The following TMPRSS15 variants were observed in gnomAD, a reference collection of about 807,000 sequenced individuals.
TMPRSS15 encodes the protein enteropeptidase.
A neutral mutation model predicts 125.3 loss-of-function variants in TMPRSS15; 128 were observed. The observed-to-expected ratio is 1.02, with a 90% CI of 0.89 to 1.18. TMPRSS15 has a LOEUF of 1.18. Ranked by LOEUF, TMPRSS15 falls within the 50% of genes most tolerant of loss-of-function variation. The pLI, the probability that TMPRSS15 is intolerant of heterozygous loss-of-function variation, is 0.00. For missense variants in TMPRSS15, 1,283 were observed against 1,212.7 expected (o/e 1.06, Z -0.86); for synonymous variants, 446 against 423.2 (o/e 1.05, Z -0.66).
At chr21:18,426,959 C>A (rs2300511) in intron 1 of TMPRSS15, among the ~76,000 whole-genome samples, 1 of 152,050 alleles carries the variant, frequency 6.6e-6, no homozygotes, top group African/African-American at 2.4e-5. Flanking sequence ...GAAGTGTTCG[C>A]CTCTGCATTT....
chr21:18,424,903 T>C (rs933284378), intron 1 of TMPRSS15, among the ~76,000 whole-genome samples: 1 of 148,854 alleles, frequency 6.7e-6, no homozygotes, highest in Non-Finnish European at 1.5e-5. Flanking sequence ...TATATATTAA[T>C]TCATATATAT....
intron 1 of TMPRSS15, among the ~76,000 whole-genome samples, chr21:18,419,129 T>C (rs561406994): frequency 2.0e-5 from 3 of 152,284 alleles, no homozygotes; most frequent in African/African-American, 7.2e-5. Context: ...GTCTTACTCA[T>C]TGTTGTCACT....
Position 18,380,488 on chromosome 21 carries a change from T to C in TMPRSS15, c.497-1170A>G, listed in dbSNP as rs868637822. The C allele has an allele frequency of 2.2e-5, 10 of 463,066 alleles. 1 individual carries two copies. In the Middle Eastern group the frequency reaches 2.3e-3, roughly 106 times the overall value. The allele number at this position is 463,066 out of a possible 1,614,324, so 28.7% of individuals were successfully genotyped here. A position where few individuals can be genotyped will look rare whatever the true frequency, so the allele number is the denominator to read the frequency against. On this transcript the variant is annotated intron_variant, in intron 4 of 24. Coordinates refer to ENST00000284885, the MANE Select transcript of TMPRSS15 (RefSeq NM_002772.3). ...AAAAAATGTATATTTTCCTAGGTGATAGAGTTTGATGATCACTAAGTTGTA... is the reference window on the plus strand; with the variant it reads ...AAAAAATGTATATTTTCCTAGGTGACAGAGTTTGATGATCACTAAGTTGTA...
At chr21:18,454,302 C>T (rs953293956) in intron 1 of TMPRSS15, among the ~76,000 whole-genome samples, 6 of 152,076 alleles carry the variant, frequency 3.9e-5, no homozygotes, top group Non-Finnish European at 8.8e-5. Context: ...TGTTTCCTTC[C>T]ATAAGGATTC....
chr21:18,346,103 A>C (rs2075506213), intron 10 of TMPRSS15, among the ~76,000 whole-genome samples: 1 of 152,132 alleles, frequency 6.6e-6, no homozygotes, highest in African/African-American at 2.4e-5. Context: ...AATAATATAT[A>C]ACATTAAATT....
In TMPRSS15 at chr21:18,316,463, G is replaced by A. The variant is rs553026730; in HGVS notation, c.1922-1207C>T. Among the ~76,000 whole-genome samples the A allele has an allele frequency of 2.6e-5, 4 of 152,236 alleles. No homozygotes were observed. In the East Asian group the frequency reaches 7.7e-4, roughly 29 times the overall value. On this transcript the variant is annotated intron_variant, in intron 16 of 24. Coordinates refer to ENST00000284885, the MANE Select transcript of TMPRSS15 (RefSeq NM_002772.3). ...AAGTTGGATTGGGTCGGAAACAGAA[G>A]GCTCAATTAAAGCTTGGTCAGGCAG... is the stretch of plus-strand genomic sequence containing the variant.
intron 1 of TMPRSS15, among the ~76,000 whole-genome samples, chr21:18,411,400 ACTTTC>A (rs1278905420): frequency 6.6e-6 from 1 of 152,040 alleles, no homozygotes; most frequent in African/African-American, 2.4e-5. Context: ...TCTTAAAATC[ACTTTC>A]CTTTCTACAA....
intron 16 of TMPRSS15, among the ~76,000 whole-genome samples, chr21:18,315,914 A>G: frequency 6.7e-6 from 1 of 149,894 alleles, no homozygotes; most frequent in Non-Finnish European, 1.5e-5. Flanking sequence ...TAGCTTTGAT[A>G]CTGAGCAAAT....
chr21:18,480,347 C>G (rs921658415), intron 1 of TMPRSS15, among the ~76,000 whole-genome samples: 1 of 151,772 alleles, frequency 6.6e-6, no homozygotes, highest in Non-Finnish European at 1.5e-5. Flanking sequence ...TTAGGTGGTG[C>G]TGTAGGTTGA....
intron 1 of TMPRSS15, among the ~76,000 whole-genome samples, chr21:18,445,165 C>A (rs1308978676): frequency 6.6e-6 from 1 of 150,612 alleles, no homozygotes. Context: ...TATATATATA[C>A]CCCATTTAAA....
chr21:18,314,300 T>C (rs564313606), intron 17 of TMPRSS15, among the ~76,000 whole-genome samples: 35 of 152,120 alleles, frequency 2.3e-4, no homozygotes, highest in Non-Finnish European at 4.3e-4. Context: ...TTTTTTGAGA[T>C]GGAGTTTCGC....
intron 1 of TMPRSS15, among the ~76,000 whole-genome samples, chr21:18,418,225 C>T (rs148497293): frequency 6.6e-6 from 1 of 152,108 alleles, no homozygotes; most frequent in Non-Finnish European, 1.5e-5. Flanking sequence ...AAGACGATAC[C>T]CAAAATACAG....
intron 21 of TMPRSS15, among the ~76,000 whole-genome samples, chr21:18,290,938 T>C (rs1401076232): frequency 1.3e-5 from 2 of 152,210 alleles, no homozygotes; most frequent in East Asian, 3.8e-4. Context: ...AGCTCTGCAC[T>C]ATTTTTGCAA....
chr21:18,298,533 C>T (rs550776526), intron 18 of TMPRSS15, among the ~76,000 whole-genome samples: 1 of 152,206 alleles, frequency 6.6e-6, no homozygotes, highest in African/African-American at 2.4e-5. Flanking sequence ...ACCTATAATT[C>T]CCATGCTCTC....
chr21:18,396,690 C>T (rs990440326), intron 3 of TMPRSS15, among the ~76,000 whole-genome samples: 2 of 149,342 alleles, frequency 1.3e-5, no homozygotes, highest in African/African-American at 4.9e-5. Flanking sequence ...AGGAGAATGG[C>T]GTGAACCTGG....
At chr21:18,273,946 A>G (rs932819096) in intron 24 of TMPRSS15, among the ~76,000 whole-genome samples, 1 of 152,196 alleles carries the variant, frequency 6.6e-6, no homozygotes, top group Non-Finnish European at 1.5e-5. Flanking sequence ...GTCAATTTAG[A>G]TGGCTCGTCA....
intron 1 of TMPRSS15, among the ~76,000 whole-genome samples, chr21:18,461,663 T>C (rs982304750): frequency 2.0e-5 from 3 of 152,130 alleles, no homozygotes; most frequent in African/African-American, 7.2e-5. Context: ...TGAAATAAAA[T>C]TGAACCTCAC....
intron 18 of TMPRSS15, among the ~76,000 whole-genome samples, chr21:18,301,730 T>C (rs1601299206): frequency 6.6e-6 from 1 of 152,330 alleles, no homozygotes; most frequent in Middle Eastern, 3.4e-3. Flanking sequence ...TAGTATCACA[T>C]AGAAACTCCA....
chr21:18,365,038 A>T (rs1401690955), intron 7 of TMPRSS15, 102 bp downstream of exon 7: 4 of 982,308 alleles, frequency 4.1e-6, no homozygotes, highest in Non-Finnish European at 6.4e-6. Context: ...TTCATAGTTA[A>T]TGAAAACAAT....
Sources: gnomAD v4.1 joint callset for allele counts (sites outside exome capture counted in the v4.1 genomes callset) on GRCh38, gnomAD v4.1.1 for gene constraint, MANE v1.5 for transcripts, NCBI Gene and HGNC (gene_info 2026-07-23, HGNC 2026-07-21) for gene names.